The following FLACC1 variants were observed in gnomAD, a reference collection of about 807,000 sequenced individuals.
The protein encoded by FLACC1 is flagellum-associated coiled-coil domain-containing protein 1.
FLACC1 carries 66 observed loss-of-function variants against 62.8 expected under a neutral mutation model. The ratio of observed to expected loss-of-function variants is 1.05; its 90% CI spans 0.86 to 1.29. FLACC1 has a LOEUF of 1.29. Ranked by LOEUF, FLACC1 falls within the 50% of genes most tolerant of loss-of-function variation. The probability of loss-of-function intolerance (pLI) is 0.00; values close to 1 mark genes in which losing one functional copy is unlikely to be tolerated. For missense variants in FLACC1, 452 were observed against 489.1 expected, an observed-to-expected ratio of 0.92 and a Z score of 0.71; for synonymous variants, 156 against 161.0, an observed-to-expected ratio of 0.97 and a Z score of 0.24.
intron 9 of FLACC1, among the ~76,000 whole-genome samples, chr2:201,314,085 C>T (rs1354394876): frequency 6.6e-6 from 1 of 152,124 alleles, no homozygotes; most frequent in African/African-American, 2.4e-5. Context: ...CCTAGATCTT[C>T]CCTCTGACAG....
chr2:201,306,469 T>C (rs537128110), intron 11 of FLACC1, among the ~76,000 whole-genome samples: 1 of 152,312 alleles, frequency 6.6e-6, no homozygotes, highest in African/African-American at 2.4e-5. Flanking sequence ...AGAATGATGC[T>C]GGGACAACTG....
rs191104474 is a variant in FLACC1, at chr2:201,336,818, T to C, written c.524+5552A>G. Among the ~76,000 whole-genome samples, 47 of 151,732 alleles carry C rather than the reference T, an allele frequency of 3.1e-4. 1 individual carries two copies. Among genetic ancestry groups the C allele is most frequent in the Admixed American group, 2.2e-3 (33 of 15,270 alleles). ...CATCTTTGTCAATATATGTTATTTT[T>C]TGTCTTTTTATAATAGCCATTCTAA... On this transcript the variant is annotated intron_variant, in intron 7 of 14. Transcript: ENST00000392257.
intron 11 of FLACC1, among the ~76,000 whole-genome samples, chr2:201,301,978 A>C (rs1389342478): frequency 6.6e-6 from 1 of 152,202 alleles, no homozygotes; most frequent in Non-Finnish European, 1.5e-5. Context: ...CCACTGCAAA[A>C]ACATGCCAAA....
chr2:201,342,476 T>A (rs1222261405), intron 6 of FLACC1, 45 bp from the exon 7 acceptor site: 2 of 1,597,920 alleles, frequency 1.3e-6, no homozygotes, highest in Non-Finnish European at 1.7e-6. Context: ...GAGGACCCTG[T>A]CCCATTCTGA....
At position 201,299,273 on chromosome 2, in the gene FLACC1, T is replaced by G; in HGVS notation, c.907A>C (p.Thr303Pro). The change falls in exon 12 of 15, where the codon ACC (threonine) becomes CCC (proline). Residue 303 changes from threonine to proline, a missense_variant. Thr to Pro is a conservative substitution (Grantham distance 38, BLOSUM62 -1). This residue lies in a region of FLACC1 where 301 missense variants were observed against 318.4 expected (regional missense o/e 0.95). Coordinates refer to ENST00000392257, the MANE Select transcript of FLACC1 (RefSeq NM_001127391.3). ...TTTCTCAGCTCTTCTAATTGCAAGGTGTCACTTTGATGTTGTTTCAAGAGC... is the reference window on the plus strand; with the variant it reads ...TTTCTCAGCTCTTCTAATTGCAAGGGGTCACTTTGATGTTGTTTCAAGAGC... ...EELLKQHQSD[T>P]LQLEELRKTK... 3 of 1,613,808 alleles carry G rather than the reference T, an allele frequency of 1.9e-6. No homozygotes were observed. Among genetic ancestry groups the G allele is most frequent in the Non-Finnish European group, 2.5e-6 (3 of 1,179,876 alleles).
At chr2:201,353,119 T>G (rs1951059338) in intron 1 of FLACC1, among the ~76,000 whole-genome samples, 2 of 152,180 alleles carry the variant, frequency 1.3e-5, no homozygotes, top group African/African-American at 4.8e-5. Context: ...CCAGAGCATT[T>G]GGGAGTGTGG....
chr2:201,334,656 G>A (rs1389556080), intron 7 of FLACC1, among the ~76,000 whole-genome samples: 1 of 151,990 alleles, frequency 6.6e-6, no homozygotes, highest in African/African-American at 2.4e-5. Context: ...GGTGGTGCAT[G>A]CCTGTAATCC....
At chr2:201,302,963 C>G (rs1384469324) in intron 11 of FLACC1, among the ~76,000 whole-genome samples, 1 of 152,038 alleles carries the variant, frequency 6.6e-6, no homozygotes, top group Admixed American at 6.5e-5. Context: ...CACTAAATGC[C>G]CACAAGGGAA....
intron 12 of FLACC1, among the ~76,000 whole-genome samples, chr2:201,290,911 C>T (rs1949719121): frequency 6.6e-6 from 1 of 152,194 alleles, no homozygotes; most frequent in South Asian, 2.1e-4. Flanking sequence ...GGTCCTACGC[C>T]CACGGAGCCT....
At position 201,342,361 on chromosome 2, in the gene FLACC1, A is replaced by G. The variant is rs1950826594; in HGVS notation, c.524+9T>C. On this transcript the variant is annotated intron_variant, in intron 7 of 14. Coordinates refer to ENST00000392257, the MANE Select transcript of FLACC1 (RefSeq NM_001127391.3). ...CAACACACACAAGGGTCCATGCCAG[A>G]AAGTGTACCTGTTCTTGTTTTCAAA... The G allele has an allele frequency of 1.2e-6, 2 of 1,614,070 alleles. No individual in the cohort carries two copies. The highest frequency in any genetic ancestry group is 1.3e-5 in the African/African-American group (1 of 74,924).
chr2:201,347,159 G>A (rs945370934), intron 4 of FLACC1, among the ~76,000 whole-genome samples: 3 of 152,232 alleles, frequency 2.0e-5, no homozygotes, highest in East Asian at 1.9e-4. Flanking sequence ...TGACTAGGAC[G>A]GTTGCAAACA....
At chr2:201,295,200 G>A (rs1378727243) in intron 12 of FLACC1, among the ~76,000 whole-genome samples, 3 of 152,132 alleles carry the variant, frequency 2.0e-5, no homozygotes, top group African/African-American at 7.2e-5. Context: ...AGCCCGCATT[G>A]CCAAGTCAAT....
chr2:201,303,100 T>C (rs1466886389), intron 11 of FLACC1, among the ~76,000 whole-genome samples: 3 of 108,786 alleles, frequency 2.8e-5, no homozygotes, highest in Non-Finnish European at 6.2e-5. Flanking sequence ...CTGAAGGAGA[T>C]AGAGACACAA....
chr2:201,336,930 TATGTCTTCTTTTAAGAA>T (rs1031512958), intron 7 of FLACC1, among the ~76,000 whole-genome samples: 36 of 152,368 alleles, frequency 2.4e-4, no homozygotes, highest in African/African-American at 4.3e-4. Context: ...TGGCTATTCG[TATGTCTTCTTTTAAGAA>T]ATGTCTTCTT....
Position 201,346,024 on chromosome 2 carries a change from G to T in FLACC1, c.368+518C>A, listed in dbSNP as rs1950906312. Among the ~76,000 whole-genome samples, 2 of 152,106 alleles carry T rather than the reference G, an allele frequency of 1.3e-5. No individual in the cohort carries two copies. Among genetic ancestry groups the T allele is most frequent in the African/African-American group, 4.8e-5 (2 of 41,420 alleles). ...TACTAAAGCTATAAATATTAGCCGG[G>T]CGTCATGGTGCAAGCCTGTAATCCT... is the stretch of plus-strand genomic sequence containing the variant. On this transcript the variant is annotated intron_variant, in intron 5 of 14. Transcript: ENST00000392257. This position sits in a 1 kb window ranked among gnomAD's most constrained non-coding sequence, Gnocchi z 4.0.
chr2:201,340,356 G>A (rs1222612106), intron 7 of FLACC1, among the ~76,000 whole-genome samples: 2 of 152,032 alleles, frequency 1.3e-5, no homozygotes, highest in African/African-American at 2.4e-5. Context: ...TTTTTGTAGT[G>A]TATGCTTTGA....
At chr2:201,295,068 G>A (rs988765541) in intron 12 of FLACC1, among the ~76,000 whole-genome samples, 9 of 152,238 alleles carry the variant, frequency 5.9e-5, no homozygotes, top group African/African-American at 1.9e-4. Flanking sequence ...AATCAACATC[G>A]TGAAAATGGC....
At chr2:201,355,793 A>G (rs2125629514) in intron 1 of FLACC1, among the ~76,000 whole-genome samples, 1 of 152,272 alleles carries the variant, frequency 6.6e-6, no homozygotes, top group East Asian at 1.9e-4. Flanking sequence ...CAGGAGTTTG[A>G]AGTTGCAGTG....
At position 201,288,575 on chromosome 2, in the gene FLACC1, A is replaced by G; in HGVS notation, c.*80T>C. The stretch of plus-strand genomic sequence containing the variant: ...CTAAACTCATTATATGCATTTTCTC[A>G]AGAAAACCCTCCCAGGAGTTTCCTG... On this transcript the variant is annotated 3_prime_UTR_variant, in exon 15 of 15. Coordinates refer to ENST00000392257, the MANE Select transcript of FLACC1 (RefSeq NM_001127391.3). 1 of 1,533,630 alleles carries G rather than the reference A, an allele frequency of 6.5e-7. No individual in the cohort carries two copies. Among genetic ancestry groups the G allele is most frequent in the South Asian group, 1.2e-5 (1 of 82,310 alleles).
Sources: gnomAD v4.1 joint callset for allele counts (sites outside exome capture counted in the v4.1 genomes callset) on GRCh38, gnomAD v4.1.1 for gene constraint, gnomAD v4.1.1 regional missense constraint, Gnocchi (gnomAD v3.1) non-coding constraint, MANE v1.5 for transcripts, NCBI Gene and HGNC (gene_info 2026-07-23, HGNC 2026-07-21) for gene names.